Variants in MECOM observed in about 807,000 individuals in gnomAD.
MECOM encodes the protein MDS1 and EVI1 complex locus.
A neutral mutation model predicts 116.3 loss-of-function variants in MECOM; 13 were observed. That is an observed-to-expected ratio of 0.11 (90% CI 0.07 to 0.18). MECOM has a LOEUF of 0.18. MECOM is among the 10% of genes least tolerant of loss of function. The probability of loss-of-function intolerance (pLI) is 1.00; values close to 1 mark genes in which losing one functional copy is unlikely to be tolerated. For synonymous variants in MECOM, 528 were observed against 535.2 expected (o/e 0.99, Z 0.19); for missense variants, 1,299 against 1,509.0 (o/e 0.86, Z 2.31).
At chr3:169,436,245 C>CTTTTTTTT (rs11349670) in intron 1 of MECOM, among the ~76,000 whole-genome samples, 2 of 93,652 alleles carry the variant, frequency 2.1e-5, no homozygotes, top group African/African-American at 3.9e-5. Flanking sequence ...GGCTAAATCG[C>CTTTTTTTT]TTTTTTTTTT....
intron 1 of MECOM, among the ~76,000 whole-genome samples, chr3:169,625,571 T>C (rs1169648126): frequency 1.3e-5 from 2 of 152,208 alleles, no homozygotes; most frequent in African/African-American, 2.4e-5. Context: ...GTGTAAGAAA[T>C]AGAAACATAA....
At chr3:169,649,077 T>C (rs1476273990) in intron 1 of MECOM, among the ~76,000 whole-genome samples, 3 of 152,220 alleles carry the variant, frequency 2.0e-5, no homozygotes, top group African/African-American at 7.2e-5. Context: ...ATAAAGTGTT[T>C]ATGGGCTATG....
chr3:169,145,162 A>G lies in MECOM; in HGVS notation c.376-1330T>C, dbSNP rs1739420684. ...TTATTAAACACACACACACACACAC[A>G]CACACACACACACACACACACACAC... On this transcript the variant is annotated intron_variant, in intron 2 of 16. Coordinates refer to ENST00000651503, the MANE Select transcript of MECOM (RefSeq NM_004991.4). The G allele has an allele frequency of 1.0e-5, 5 of 483,894 alleles. No individual in the cohort carries two copies. In the East Asian group the frequency reaches 1.5e-4, roughly 15 times the overall value. The allele number at this position is 483,894 out of a possible 1,614,324, so 30.0% of individuals were successfully genotyped here.
At chr3:169,402,312 T>C (rs551383121) in intron 1 of MECOM, among the ~76,000 whole-genome samples, 33 of 152,216 alleles carry the variant, frequency 2.2e-4, no homozygotes, top group Non-Finnish European at 4.0e-4. Context: ...ATTAGAATAC[T>C]GAACAATGAA....
At chr3:169,483,728 G>A (rs532443750) in intron 1 of MECOM, 162 of 1,588,712 alleles carry the variant, frequency 1.0e-4, no homozygotes, top group Non-Finnish European at 1.3e-4. Context: ...AACGTAATTC[G>A]TAACTCTCTT....
At chr3:169,302,242 A>G (rs1716873268) in intron 2 of MECOM, among the ~76,000 whole-genome samples, 1 of 152,226 alleles carries the variant, frequency 6.6e-6, no homozygotes, top group South Asian at 2.1e-4. Context: ...GAAATGTAGC[A>G]CAGTCTTAGA....
intron 2 of MECOM, among the ~76,000 whole-genome samples, chr3:169,310,038 G>A (rs11927731): frequency 0.17 from 26,619 of 152,132 alleles, 3,541 homozygotes; most frequent in African/African-American, 0.37. Flanking sequence ...CCCATTTTCT[G>A]TTCATTGACA....
chr3:169,495,979 G>A (rs958178974), intron 1 of MECOM, among the ~76,000 whole-genome samples: 4 of 152,118 alleles, frequency 2.6e-5, no homozygotes, highest in Non-Finnish European at 5.9e-5. Context: ...TAAGCATAAC[G>A]ACCCTACCAG....
At chr3:169,316,116 A>G (rs1364869839) in intron 2 of MECOM, among the ~76,000 whole-genome samples, 1 of 152,268 alleles carries the variant, frequency 6.6e-6, no homozygotes, top group African/African-American at 2.4e-5. Context: ...GTTTAAGGCC[A>G]GGACAGAAAA....
At chr3:169,209,630 A>C (rs936569500) in intron 2 of MECOM, among the ~76,000 whole-genome samples, 6 of 152,358 alleles carry the variant, frequency 3.9e-5, no homozygotes, top group South Asian at 4.1e-4. Context: ...TCATTAAAGA[A>C]ATTCAAATCA....
At chr3:169,360,291 A>T (rs1300816892) in intron 2 of MECOM, among the ~76,000 whole-genome samples, 114 of 92,290 alleles carry the variant, frequency 1.2e-3, no homozygotes, top group Middle Eastern at 9.3e-3. Context: ...AAAGTATAAT[A>T]AAAAAAAAAA....
chr3:169,130,451 C>T (rs1213281747), intron 4 of MECOM, among the ~76,000 whole-genome samples: 3 of 151,406 alleles, frequency 2.0e-5, no homozygotes, highest in Non-Finnish European at 2.9e-5. Context: ...GTACCAAAAG[C>T]GCCCCCCGCC....
chr3:169,419,732 G>A (rs553594403), intron 1 of MECOM, among the ~76,000 whole-genome samples: 1 of 152,122 alleles, frequency 6.6e-6, no homozygotes, highest in East Asian at 1.9e-4. Context: ...CAAAAGCAAT[G>A]GCAACAAAAG....
rs34747811 is a variant in MECOM at position 169,523,433 on chromosome 3, ATT to A, written c.37+139901_37+139902del. On this transcript the variant is annotated intron_variant, in intron 1 of 16. Transcript: ENST00000651503. ...CCATGAAAACTCACTACTGCAGGTA[ATT>A]TTTTTTTTTTTTCCTAAGAGAGAAC... Among the ~76,000 whole-genome samples, 1,230 of 147,906 alleles carry A rather than the reference ATT, an allele frequency of 8.3e-3. 21 individuals are homozygous for A. Among genetic ancestry groups the A allele is most frequent in the African/African-American group, 0.027 (1,088 of 40,286 alleles).
At chr3:169,389,676 T>A (rs756894462) in intron 1 of MECOM, 2 of 701,526 alleles carry the variant, frequency 2.9e-6, no homozygotes, top group Non-Finnish European at 3.5e-6. Flanking sequence ...ACTGGGTGGT[T>A]ACTCCTCAGG....
intron 1 of MECOM, among the ~76,000 whole-genome samples, chr3:169,392,534 G>A (rs1734377671): frequency 1.3e-5 from 2 of 152,132 alleles, no homozygotes; most frequent in African/African-American, 4.8e-5. Flanking sequence ...GTTGTGCCTG[G>A]AGCTGTGTAA....
chr3:169,393,423 A>G (rs2108348933), intron 1 of MECOM, among the ~76,000 whole-genome samples: 1 of 152,332 alleles, frequency 6.6e-6, no homozygotes, highest in East Asian at 1.9e-4. Context: ...GTAACTTAAC[A>G]AAAAGCCAAA....
chr3:169,396,567 G>C (rs760984014), intron 1 of MECOM, among the ~76,000 whole-genome samples: 3 of 152,080 alleles, frequency 2.0e-5, no homozygotes, highest in Non-Finnish European at 2.9e-5. Context: ...TACCTGTTTT[G>C]TTTTACCTGC....
At chr3:169,124,668 T>C (rs1732238372) in intron 5 of MECOM, among the ~76,000 whole-genome samples, 1 of 152,136 alleles carries the variant, frequency 6.6e-6, no homozygotes, top group African/African-American at 2.4e-5. Context: ...GTCCAGAATT[T>C]GTTTCAAATA....
Sources: gnomAD v4.1 joint callset for allele counts (sites outside exome capture counted in the v4.1 genomes callset) on GRCh38, gnomAD v4.1.1 for gene constraint, MANE v1.5 for transcripts, NCBI Gene and HGNC (gene_info 2026-07-23, HGNC 2026-07-21) for gene names.